The following WDR59 variants were observed in gnomAD, a reference collection of about 807,000 sequenced individuals.
The protein encoded by WDR59 is GATOR2 complex protein WDR59.
Under a neutral mutation model 131.2 loss-of-function variants are expected in WDR59, and 100 were observed. That is an observed-to-expected ratio of 0.76 (90% CI 0.65 to 0.90). WDR59 has a LOEUF of 0.90. Among genes scored for constraint, WDR59 ranks in the 40% least tolerant of loss-of-function variants. The probability of loss-of-function intolerance (pLI) is 0.00; values close to 1 mark genes in which losing one functional copy is unlikely to be tolerated. For synonymous variants in WDR59, 601 were observed against 466.2 expected, an observed-to-expected ratio of 1.29 and a Z score of -3.72; for missense variants, 1,203 against 1,262.2, an observed-to-expected ratio of 0.95 and a Z score of 0.71.
intron 25 of WDR59, among the ~76,000 whole-genome samples, chr16:74,883,117 C>T (rs1964588467): frequency 6.6e-6 from 1 of 150,614 alleles, no homozygotes; most frequent in South Asian, 2.1e-4. Flanking sequence ...CTCCGCCTCC[C>T]GAGCTCAAGT....
chr16:74,926,350 G>A lies in WDR59; in HGVS notation c.652-2347C>T, dbSNP rs572978909. 5.8e-3 allele frequency among the ~76,000 whole-genome samples: 883 copies of A among 152,210 alleles called. 12 individuals are homozygous for A. Among genetic ancestry groups the A allele is most frequent in the African/African-American group, 0.021 (852 of 41,538 alleles). ...TGGGATTATAGGCATGAGCCACCGC[G>A]CCCAGCTGATGTATAATCATTGTTC... On this transcript the variant is annotated intron_variant, in intron 8 of 25. Coordinates refer to ENST00000262144, the MANE Select transcript of WDR59 (RefSeq NM_030581.4).
At chr16:74,935,952 G>A (rs995934429) in intron 8 of WDR59, among the ~76,000 whole-genome samples, 17 of 150,754 alleles carry the variant, frequency 1.1e-4, no homozygotes, top group South Asian at 2.1e-4. Flanking sequence ...AGCCGAGATC[G>A]CGCCACTGCA....
chr16:74,929,370 C>T (rs1189404219), intron 8 of WDR59, among the ~76,000 whole-genome samples: 2 of 152,068 alleles, frequency 1.3e-5, no homozygotes, highest in East Asian at 1.9e-4. Context: ...CCACTGCGCC[C>T]GGCTGAACAG....
chr16:74,898,646 T>C lies in WDR59; in HGVS notation c.1867-4834A>G, dbSNP rs182744216. On this transcript the variant is annotated intron_variant, in intron 18 of 25. Transcript: ENST00000262144. ...GCGACTGTACCACCAGTGTTACTGC[T>C]ACGATCAGAGGCAACATTGATGCCA... Among the ~76,000 whole-genome samples the C allele has an allele frequency of 2.6e-3, 398 of 152,322 alleles. 4 individuals carry two copies. Among genetic ancestry groups the C allele is most frequent in the Non-Finnish European group, 3.8e-3 (259 of 68,016 alleles).
intron 2 of WDR59, among the ~76,000 whole-genome samples, chr16:74,958,855 G>C (rs1044689974): frequency 6.7e-6 from 1 of 150,112 alleles, no homozygotes; most frequent in Non-Finnish European, 1.5e-5. Flanking sequence ...CTGAGGTCAG[G>C]AGTTCGAGAC....
chr16:74,948,977 G>A (rs964475311), intron 5 of WDR59, among the ~76,000 whole-genome samples: 3 of 152,034 alleles, frequency 2.0e-5, no homozygotes, highest in Non-Finnish European at 4.4e-5. Flanking sequence ...CAGCCAGGAC[G>A]ACAAGAGCAA....
chr16:74,957,244 C>G (rs1302222578), intron 2 of WDR59, among the ~76,000 whole-genome samples: 2 of 151,954 alleles, frequency 1.3e-5, no homozygotes, highest in Non-Finnish European at 2.9e-5. Flanking sequence ...TCACGCCTAA[C>G]TAATTTTTGC....
At position 74,891,092 on chromosome 16, in the gene WDR59, G is replaced by A. The variant is rs192941492; in HGVS notation, c.2083-1277C>T. On this transcript the variant is annotated intron_variant, in intron 20 of 25. Transcript: ENST00000262144. ...TCACGCCCTGCACTCCAGCCTGGGCGACAGAGCGAGACTCTGTCTCAAAAA... is the reference window on the plus strand; with the variant it reads ...TCACGCCCTGCACTCCAGCCTGGGCAACAGAGCGAGACTCTGTCTCAAAAA... Among the ~76,000 whole-genome samples the A allele has an allele frequency of 1.5e-4, 21 of 139,100 alleles. 1 individual carries two copies. Among genetic ancestry groups the A allele is most frequent in the East Asian group, 1.2e-3 (6 of 4,856 alleles). The allele number at this position is 139,100 out of a possible 152,430, so 91.3% of individuals were successfully genotyped here.
At chr16:74,929,261 G>C (rs1260404194) in intron 8 of WDR59, among the ~76,000 whole-genome samples, 2 of 152,130 alleles carry the variant, frequency 1.3e-5, no homozygotes, top group Non-Finnish European at 2.9e-5. Context: ...ATTTTTAGTA[G>C]AGACGGGGTT....
chr16:74,964,305 G>T (rs570549498), intron 2 of WDR59, among the ~76,000 whole-genome samples: 2 of 151,856 alleles, frequency 1.3e-5, no homozygotes, highest in African/African-American at 4.8e-5. Flanking sequence ...CTTGAAACCG[G>T]AAGGCGGAGG....
At chr16:74,945,577 GCCC>G (rs1343468013) in intron 6 of WDR59, among the ~76,000 whole-genome samples, 1 of 151,966 alleles carries the variant, frequency 6.6e-6, no homozygotes, top group Non-Finnish European at 1.5e-5. Flanking sequence ...TCAGTTATAC[GCCC>G]TCTGCAGCCA....
At chr16:74,956,253 A>G (rs1467460830) in intron 3 of WDR59, among the ~76,000 whole-genome samples, 1 of 152,178 alleles carries the variant, frequency 6.6e-6, no homozygotes, top group African/African-American at 2.4e-5. Context: ...CAAAATCTGA[A>G]TTCAGTCCCT....
intron 20 of WDR59, among the ~76,000 whole-genome samples, chr16:74,890,629 A>T (rs1230951029): frequency 6.6e-6 from 1 of 152,192 alleles, no homozygotes; most frequent in African/African-American, 2.4e-5. Context: ...CAATAATAAC[A>T]ATAGGCCAAG....
At chr16:74,951,823 C>T (rs2033015498) in intron 3 of WDR59, among the ~76,000 whole-genome samples, 1 of 152,130 alleles carries the variant, frequency 6.6e-6, no homozygotes, top group African/African-American at 2.4e-5. Flanking sequence ...GGTGCAGAAG[C>T]ACTTCTGCAG....
At chr16:74,980,202 C>A (rs1045082826) in intron 1 of WDR59, among the ~76,000 whole-genome samples, 3 of 151,556 alleles carry the variant, frequency 2.0e-5, no homozygotes, top group African/African-American at 7.3e-5. Context: ...CCAGGAAGCA[C>A]TTCACAGTAG....
At chr16:74,882,807 C>CAAAAAAAAAAAAAAAAAAAAAAAAAAAA (rs569507124) in intron 25 of WDR59, among the ~76,000 whole-genome samples, 5 of 51,416 alleles carry the variant, frequency 9.7e-5, no homozygotes, top group African/African-American at 1.6e-4. Flanking sequence ...AACACTGTCT[C>CAAAAAAAAAAAAAAAAAAAAAAAAAAAA]AAAAAAAAAA....
chr16:74,879,967 C>G (rs374059242), intron 25 of WDR59, among the ~76,000 whole-genome samples: 1 of 151,840 alleles, frequency 6.6e-6, no homozygotes, highest in South Asian at 2.1e-4. Flanking sequence ...GGAAGGATCA[C>G]TTGAAGCCAA....
chr16:74,883,226 T>G (rs1436850176), intron 25 of WDR59, among the ~76,000 whole-genome samples: 1 of 151,984 alleles, frequency 6.6e-6, no homozygotes, highest in Non-Finnish European at 1.5e-5. Context: ...GGTTTCACCA[T>G]GTCGGCCAGG....
At chr16:74,906,579 C>A (rs1453383972) in intron 17 of WDR59, among the ~76,000 whole-genome samples, 4 of 151,998 alleles carry the variant, frequency 2.6e-5, no homozygotes, top group African/African-American at 9.7e-5. Flanking sequence ...CATATGTGTC[C>A]AGGTTTGCTC....
Sources: gnomAD v4.1 joint callset for allele counts (sites outside exome capture counted in the v4.1 genomes callset) on GRCh38, gnomAD v4.1.1 for gene constraint, MANE v1.5 for transcripts, NCBI Gene and HGNC (gene_info 2026-07-23, HGNC 2026-07-21) for gene names.